Variants in DEPDC5 observed in about 807,000 individuals in gnomAD.
DEPDC5 encodes DEP domain containing 5, GATOR1 subcomplex subunit, also known as GATOR1 complex protein DEPDC5.
Under a neutral mutation model 217.3 loss-of-function variants are expected in DEPDC5, and 73 were observed. The ratio of observed to expected loss-of-function variants is 0.34; its 90% confidence interval spans 0.28 to 0.41. DEPDC5 has a LOEUF of 0.41. DEPDC5 is among the 10% of genes least tolerant of loss of function. The probability of loss-of-function intolerance (pLI) is 1.00; values close to 1 mark genes in which losing one functional copy is unlikely to be tolerated. For missense variants in DEPDC5, 1,675 were observed against 2,070.1 expected (o/e 0.81, Z 3.70); for synonymous variants, 733 against 756.7 (o/e 0.97, Z 0.51).
At chr22:31,815,488 G>A (rs2088985651) in intron 21 of DEPDC5, 3 of 657,764 alleles carry the variant, frequency 4.6e-6, no homozygotes, top group Non-Finnish European at 2.7e-6. Context: ...GGACTCAATC[G>A]ATCCTCCCAC....
intron 27 of DEPDC5, among the ~76,000 whole-genome samples, chr22:31,841,013 C>T (rs1320628487): frequency 6.6e-6 from 1 of 152,216 alleles, no homozygotes; most frequent in East Asian, 1.9e-4. Flanking sequence ...GTGTCAGGTA[C>T]GATGTCAGAT....
chr22:31,768,981 C>T, intron 7 of DEPDC5, 118 bp downstream of exon 7: 1 of 1,366,408 alleles, frequency 7.3e-7, no homozygotes, highest in Non-Finnish European at 1.0e-6. Flanking sequence ...AGATTGTTGG[C>T]TGGCCACAGT....
At chr22:31,770,547 A>ATTTTTT (rs34409975) in intron 7 of DEPDC5, among the ~76,000 whole-genome samples, 21 of 133,462 alleles carry the variant, frequency 1.6e-4, no homozygotes, top group South Asian at 2.4e-4. Flanking sequence ...CACGTAGCTA[A>ATTTTTT]TTTTTTTTTT....
At chr22:31,877,749 CAAAAAAAAAAAA>C (rs136870) in intron 37 of DEPDC5, among the ~76,000 whole-genome samples, 8 of 62,850 alleles carry the variant, frequency 1.3e-4, no homozygotes, top group East Asian at 5.6e-4. Context: ...GACTCCATCT[CAAAAAAAAAAAA>C]AAAAAAAAAA....
chr22:31,796,728 G>A (rs1324445005), intron 12 of DEPDC5, among the ~76,000 whole-genome samples: 5 of 151,002 alleles, frequency 3.3e-5, no homozygotes, highest in African/African-American at 4.9e-5. Flanking sequence ...ATGGAGTCTC[G>A]CTCTTTCTCC....
intron 33 of DEPDC5, among the ~76,000 whole-genome samples, chr22:31,865,229 G>A (rs1222608021): frequency 1.3e-5 from 2 of 152,130 alleles, no homozygotes; most frequent in African/African-American, 4.8e-5. Flanking sequence ...AGCAGCCCAC[G>A]CATGTAATCC....
chr22:31,885,751 G>T (rs1206107930), intron 38 of DEPDC5, among the ~76,000 whole-genome samples: 1 of 147,052 alleles, frequency 6.8e-6, no homozygotes, highest in African/African-American at 2.5e-5. Context: ...AAGAGACAGG[G>T]TTGGCCAGGC....
intron 16 of DEPDC5, 69 bp downstream of exon 16, chr22:31,804,292 C>A (rs138239185): frequency 4.0e-6 from 6 of 1,489,958 alleles, no homozygotes; most frequent in Non-Finnish European, 5.6e-6. Flanking sequence ...AAATTCCAGG[C>A]GCTGTGGCAT....
intron 33 of DEPDC5, among the ~76,000 whole-genome samples, chr22:31,866,031 T>C (rs1602549057): frequency 6.6e-6 from 1 of 152,150 alleles, no homozygotes; most frequent in Non-Finnish European, 1.5e-5. Flanking sequence ...TCCAGCTGTT[T>C]CCTTGTAGCT....
intron 31 of DEPDC5, among the ~76,000 whole-genome samples, chr22:31,855,847 CAACAGGTTACTATGGA>C (rs1309955253): frequency 1.3e-5 from 2 of 151,826 alleles, no homozygotes; most frequent in Non-Finnish European, 2.9e-5. Context: ...AGGGAGAGTG[CAACAGGTTACTATGGA>C]AACATATTTT....
At chr22:31,866,534 C>T (rs1200036513) in intron 33 of DEPDC5, among the ~76,000 whole-genome samples, 10 of 152,126 alleles carry the variant, frequency 6.6e-5, no homozygotes, top group South Asian at 4.1e-4. Context: ...TACAGGCACA[C>T]GCTGCCATGC....
Position 31,766,566 on chromosome 22 carries a change from A to C in DEPDC5, c.280-19A>C. 1 of 1,610,562 alleles carries C rather than the reference A, an allele frequency of 6.2e-7. No homozygotes were observed. The highest frequency in any genetic ancestry group is 8.5e-7 in the Non-Finnish European group (1 of 1,177,368). On this transcript the variant is annotated intron_variant, in intron 5 of 42. Transcript: ENST00000651528. ...GTGGCAAAGTAATGTCAGAGATATC[A>C]TTTGATTATTCCTTTTAGGATGTGA... is the stretch of plus-strand genomic sequence containing the variant.
At chr22:31,814,664 A>T in intron 20 of DEPDC5, 1 of 277,800 alleles carries the variant, frequency 3.6e-6, no homozygotes, top group African/African-American at 2.2e-5. Context: ...TTTCTCCCAC[A>T]TCACATCATA....
At chr22:31,756,828 C>A (rs1180571929) in intron 2 of DEPDC5, among the ~76,000 whole-genome samples, 1 of 151,010 alleles carries the variant, frequency 6.6e-6, no homozygotes, top group African/African-American at 2.4e-5. Context: ...GGCTGAGGCA[C>A]GAGAATTGCT....
chr22:31,860,645 C>A (rs1356735802), intron 32 of DEPDC5, among the ~76,000 whole-genome samples: 1 of 152,064 alleles, frequency 6.6e-6, no homozygotes, highest in Non-Finnish European at 1.5e-5. Context: ...AAGCCCCTCA[C>A]AATGTGAGTG....
Position 31,779,743 on chromosome 22 carries a change from ATG to A in DEPDC5, c.483+1577_483+1578del, listed in dbSNP as rs145546347. 4.6e-5 allele frequency among the ~76,000 whole-genome samples: 7 copies of A among 152,336 alleles called. No homozygotes were observed. The East Asian group carries it at 1.2e-3, about 25-fold the overall frequency. ...CTGTCATGTAAAAGAAATCATGGAT[ATG>A]TAATTCATGGTTGGTACAATAGTGT... On this transcript the variant is annotated intron_variant, in intron 8 of 42. Transcript: ENST00000651528.
Position 31,906,626 on chromosome 22 carries a change from T to TTTTG in DEPDC5, c.*157_*160dup, listed in dbSNP as rs372204274. 14,866 of 1,198,716 alleles carry TTTTG rather than the reference T, an allele frequency of 0.012. 176 individuals are homozygous for TTTTG. Among genetic ancestry groups the TTTTG allele is most frequent in the South Asian group, 0.028 (1,880 of 68,182 alleles). 74.3% of individuals were successfully genotyped at this position (1,198,716 alleles called of 1,614,324 possible). On this transcript the variant is annotated 3_prime_UTR_variant, in exon 43 of 43. Transcript: ENST00000651528. The surrounding 1 kb of genome is among the most constrained non-coding windows in gnomAD (Gnocchi z 5.1). ...CTATCAGTGAGTGGGGGCCATTGTTTTTTGTTTGTTTGTTTGTTTGTTTGT... is the reference window on the plus strand; with the variant it reads ...CTATCAGTGAGTGGGGGCCATTGTTTTTTGTTTGTTTGTTTGTTTGTTTGTTTGT...
chr22:31,759,286 C>T (rs892177826), intron 3 of DEPDC5, among the ~76,000 whole-genome samples: 1 of 151,754 alleles, frequency 6.6e-6, no homozygotes, highest in Non-Finnish European at 1.5e-5. Flanking sequence ...CCAGGCTTGT[C>T]TCAAGTCATC....
intron 28 of DEPDC5, 54 bp from the exon 29 acceptor site, chr22:31,843,591 C>A: frequency 6.4e-7 from 1 of 1,556,118 alleles, no homozygotes. Context: ...TAAGAATTGG[C>A]AGGAATTTGT....
Sources: allele counts gnomAD v4.1 joint callset (sites outside exome capture counted in the v4.1 genomes callset), GRCh38; gene constraint gnomAD v4.1.1; non-coding constraint Gnocchi (gnomAD v3.1); transcripts MANE v1.5; gene names NCBI Gene and HGNC (gene_info 2026-07-23, HGNC 2026-07-21).